The following TSHR variants were observed in gnomAD, a reference collection of about 807,000 sequenced individuals.
The protein encoded by TSHR is thyrotropin receptor.
TSHR carries 51 observed loss-of-function variants against 64.1 expected under a neutral mutation model. That is an observed-to-expected ratio of 0.80 (90% CI 0.64 to 1.01). The LOEUF is 1.01. TSHR is among the 50% of genes least tolerant of loss of function. The probability of loss-of-function intolerance (pLI) is 0.00; values close to 1 mark genes in which losing one functional copy is unlikely to be tolerated. For missense variants in TSHR, 877 were observed against 942.8 expected (o/e 0.93, Z 0.91); for synonymous variants, 361 against 361.9 (o/e 1.00, Z 0.03).
At chr14:80,983,531 C>T in intron 1 of TSHR, 5 of 1,304,864 alleles carry the variant, frequency 3.8e-6, no homozygotes, top group Non-Finnish European at 5.5e-6. Context: ...TATTTATTAA[C>T]ATAAAGGAGC....
At chr14:80,965,206 T>C (rs1887240153) in intron 1 of TSHR, among the ~76,000 whole-genome samples, 1 of 152,166 alleles carries the variant, frequency 6.6e-6, no homozygotes, top group African/African-American at 2.4e-5. Context: ...CAAGCAACAC[T>C]GCGCTTGGGG....
At chr14:81,101,358 G>A (rs529565736) in intron 7 of TSHR, among the ~76,000 whole-genome samples, 1 of 152,224 alleles carries the variant, frequency 6.6e-6, no homozygotes, top group Non-Finnish European at 1.5e-5. Context: ...TAGCATCCCA[G>A]ATAGGGTCTT....
intron 1 of TSHR, among the ~76,000 whole-genome samples, chr14:81,043,052 AC>A (rs1884999068): frequency 6.6e-6 from 1 of 152,188 alleles, no homozygotes; most frequent in South Asian, 2.1e-4. Context: ...GCCCTCTCTC[AC>A]CACTCCTATT....
chr14:81,071,371 G>A lies in TSHR; in HGVS notation c.317+3043G>A, dbSNP rs143767721. Among the ~76,000 whole-genome samples the A allele has an allele frequency of 4.4e-3, 668 of 152,182 alleles. 8 individuals are homozygous for A. The highest frequency in any genetic ancestry group is 0.016 in the African/African-American group (645 of 41,540). Reference sequence around the variant, plus strand: ...TATCTTTTCAATACCCTGGCAAATTGTCATACTTCTTTCTAAGTCTAGATT... The same window carrying A: ...TATCTTTTCAATACCCTGGCAAATTATCATACTTCTTTCTAAGTCTAGATT... On this transcript the variant is annotated intron_variant, in intron 3 of 9. Coordinates refer to ENST00000298171, the MANE Select transcript of TSHR (RefSeq NM_000369.5).
At chr14:81,064,377 A>G (rs1357747624) in intron 2 of TSHR, among the ~76,000 whole-genome samples, 2 of 152,072 alleles carry the variant, frequency 1.3e-5, no homozygotes, top group African/African-American at 2.4e-5. Flanking sequence ...TGTTTTGTAT[A>G]TTTGCTGTGG....
chr14:81,059,710 C>A (rs950265815), intron 1 of TSHR, among the ~76,000 whole-genome samples: 10 of 152,082 alleles, frequency 6.6e-5, no homozygotes, highest in Middle Eastern at 3.2e-3. Flanking sequence ...CTCTGAGACA[C>A]ATAATCCTTA....
intron 8 of TSHR, among the ~76,000 whole-genome samples, chr14:81,115,679 A>T (rs1239283451): frequency 6.6e-6 from 1 of 152,066 alleles, no homozygotes; most frequent in African/African-American, 2.4e-5. Flanking sequence ...AATACAGAGA[A>T]TGCCACAAAG....
intron 1 of TSHR, among the ~76,000 whole-genome samples, chr14:81,046,673 A>G (rs967560980): frequency 2.0e-5 from 3 of 152,138 alleles, no homozygotes; most frequent in Non-Finnish European, 4.4e-5. Context: ...TATTTTCCAA[A>G]TTTGATAAAA....
At position 81,045,412 on chromosome 14, in the gene TSHR, C is replaced by T. The variant is rs559271494; in HGVS notation, c.171-16736C>T. On this transcript the variant is annotated intron_variant, in intron 1 of 9. Transcript: ENST00000298171. ...AAAGAATTATTATTTATTTTAAGTT[C>T]TGGGATACACGTGTAGAACGTGCAG... 8.5e-5 allele frequency among the ~76,000 whole-genome samples: 13 copies of T among 152,252 alleles called. No homozygotes were observed. The South Asian group carries it at 2.5e-3, about 29-fold the overall frequency.
At position 81,015,181 on chromosome 14, in the gene TSHR, A is replaced by C. The variant is rs141782104; in HGVS notation, c.171-46967A>C. Among the ~76,000 whole-genome samples, 390 of 152,324 alleles carry C rather than the reference A, an allele frequency of 2.6e-3. 4 individuals are homozygous for C. Among genetic ancestry groups the C allele is most frequent in the African/African-American group, 8.5e-3 (355 of 41,574 alleles). On this transcript the variant is annotated intron_variant, in intron 1 of 9. Transcript: ENST00000298171. ...AAAATCCTTTTGTTTGAGAAACTCT[A>C]AATAAGCATTGAGTTTTCTTGCCAT... is the stretch of plus-strand genomic sequence containing the variant.
At chr14:81,057,814 C>T (rs1248155329) in intron 1 of TSHR, among the ~76,000 whole-genome samples, 5 of 152,194 alleles carry the variant, frequency 3.3e-5, no homozygotes, top group South Asian at 2.1e-4. Flanking sequence ...GTCTCTGCCA[C>T]GGCAAAGAAG....
chr14:80,982,412 T>A, intron 1 of TSHR: 1 of 1,245,730 alleles, frequency 8.0e-7, no homozygotes, highest in Non-Finnish European at 1.1e-6. Flanking sequence ...AAACCTGAAA[T>A]TGGTGCCCAG....
At chr14:80,994,113 C>A (rs1206945085) in intron 1 of TSHR, 1 of 152,102 alleles carries the variant, frequency 6.6e-6, no homozygotes, top group Non-Finnish European at 1.5e-5. Context: ...TGAGTCACTT[C>A]CACTTAATGA....
At chr14:81,137,387 C>T (rs576868465) in intron 8 of TSHR, among the ~76,000 whole-genome samples, 1 of 152,316 alleles carries the variant, frequency 6.6e-6, no homozygotes, top group South Asian at 2.1e-4. Flanking sequence ...AAGAGGTGGA[C>T]TGTATGTCCT....
chr14:81,063,499 C>A (rs1036298840), intron 2 of TSHR, among the ~76,000 whole-genome samples: 12 of 152,116 alleles, frequency 7.9e-5, no homozygotes, highest in African/African-American at 2.9e-4. Context: ...CAAGCTGTTC[C>A]TTCTCTTTTA....
intron 2 of TSHR, among the ~76,000 whole-genome samples, chr14:81,065,408 G>A (rs141863877): frequency 1.3e-5 from 2 of 152,298 alleles, no homozygotes; most frequent in South Asian, 2.1e-4. Flanking sequence ...ATTATTAAAG[G>A]ATATCTAAGA....
intron 7 of TSHR, among the ~76,000 whole-genome samples, chr14:81,098,656 A>G (rs1209350629): frequency 1.3e-5 from 2 of 152,194 alleles, no homozygotes; most frequent in African/African-American, 4.8e-5. Flanking sequence ...GAGTGCACCA[A>G]AAGTTTAGTT....
At chr14:81,113,444 CA>C (rs1890320282) in intron 8 of TSHR, among the ~76,000 whole-genome samples, 1 of 152,030 alleles carries the variant, frequency 6.6e-6, no homozygotes. Context: ...CAATAGGGGT[CA>C]GGGCTAGAGA....
rs2075176 is a variant in TSHR at position 81,092,462 on chromosome 14, C to T, written c.468-69C>T. On this transcript the variant is annotated intron_variant, in intron 5 of 9. Transcript: ENST00000298171. ...GTGTCCTGTTATTTAAGTGCATATG[C>T]GCAGCAAGACCCCTGCTGCAGAAGG... is the stretch of plus-strand genomic sequence containing the variant. 0.16 allele frequency: 222,721 copies of T among 1,366,238 alleles called. 24,882 individuals are homozygous for T. Among genetic ancestry groups the T allele is most frequent in the African/African-American group, 0.54 (37,913 of 69,742 alleles). 84.6% of individuals were successfully genotyped at this position (1,366,238 alleles called of 1,614,324 possible). A position where few individuals can be genotyped will look rare whatever the true frequency, so the allele number is the denominator to read the frequency against.
Sources: allele counts gnomAD v4.1 joint callset (sites outside exome capture counted in the v4.1 genomes callset), GRCh38; gene constraint gnomAD v4.1.1; transcripts MANE v1.5; gene names NCBI Gene and HGNC (gene_info 2026-07-23, HGNC 2026-07-21).